PARD3B: variants seen among roughly 807,000 people sequenced by gnomAD.
PARD3B encodes par-3 family cell polarity regulator beta.
PARD3B carries 103 observed loss-of-function variants against 130.2 expected under a neutral mutation model. The observed-to-expected ratio is 0.79, with a 90% CI of 0.67 to 0.93. The LOEUF is 0.93. PARD3B is among the 40% of genes least tolerant of loss of function. The pLI, the probability that PARD3B is intolerant of heterozygous loss-of-function variation, is 0.00. For synonymous variants in PARD3B, 583 were observed against 553.2 expected (o/e 1.05, Z -0.76); for missense variants, 1,609 against 1,499.2 (o/e 1.07, Z -1.21).
At chr2:205,225,567 A>G (rs1206198575) in intron 15 of PARD3B, among the ~76,000 whole-genome samples, 1 of 152,144 alleles carries the variant, frequency 6.6e-6, no homozygotes, top group Non-Finnish European at 1.5e-5. Context: ...ACTACCTGAG[A>G]CTGGGTAATT....
intron 20 of PARD3B, among the ~76,000 whole-genome samples, chr2:205,464,259 T>G (rs1187095178): frequency 6.6e-6 from 1 of 152,198 alleles, no homozygotes; most frequent in African/African-American, 2.4e-5. Context: ...TAAAATTTGT[T>G]GTCAGAGCTT....
intron 21 of PARD3B, among the ~76,000 whole-genome samples, chr2:205,537,593 C>G (rs1282658847): frequency 6.6e-6 from 1 of 152,100 alleles, no homozygotes; most frequent in Non-Finnish European, 1.5e-5. Context: ...GGGAGTTGCA[C>G]TCATTTAGGA....
intron 4 of PARD3B, among the ~76,000 whole-genome samples, chr2:205,077,400 G>T (rs749447274): frequency 5.3e-5 from 8 of 152,066 alleles, no homozygotes; most frequent in African/African-American, 1.2e-4. Flanking sequence ...TTTCTTTTCT[G>T]TTTTTAAGAA....
chr2:205,174,844 A>T (rs1457057326), intron 12 of PARD3B, among the ~76,000 whole-genome samples: 1 of 152,238 alleles, frequency 6.6e-6, no homozygotes, highest in East Asian at 1.9e-4. Context: ...GACCTTGTGA[A>T]GAATACATAA....
intron 1 of PARD3B, among the ~76,000 whole-genome samples, chr2:204,670,091 A>G (rs1270129873): frequency 6.6e-6 from 1 of 152,174 alleles, no homozygotes. Flanking sequence ...AAAAGATCTA[A>G]AAGAGTTGCC....
intron 20 of PARD3B, among the ~76,000 whole-genome samples, chr2:205,469,507 GCACAGCAGGTGACTTTTT>G (rs2048749809): frequency 6.6e-6 from 1 of 152,124 alleles, no homozygotes; most frequent in Admixed American, 6.5e-5. Flanking sequence ...CTTCTCCAGG[GCACAGCAGGTGACTTTTT>G]CACCCCATCC....
chr2:205,333,184 G>A (rs1228897873), intron 18 of PARD3B, among the ~76,000 whole-genome samples: 4 of 152,198 alleles, frequency 2.6e-5, no homozygotes, highest in South Asian at 4.2e-4. Context: ...AATGAGAAAA[G>A]CTCTGGGGGA....
chr2:204,838,853 C>T (rs2044156594), intron 2 of PARD3B, among the ~76,000 whole-genome samples: 2 of 151,844 alleles, frequency 1.3e-5, no homozygotes, highest in South Asian at 4.2e-4. Flanking sequence ...TATCAATACA[C>T]AATGAAATAA....
chr2:204,746,708 G>C (rs937817197), intron 2 of PARD3B, among the ~76,000 whole-genome samples: 5 of 152,138 alleles, frequency 3.3e-5, no homozygotes, highest in African/African-American at 9.7e-5. Context: ...TTGTGGTTTT[G>C]ATTTGCATTT....
intron 2 of PARD3B, among the ~76,000 whole-genome samples, chr2:204,749,457 GA>G (rs1478026119): frequency 6.6e-6 from 1 of 152,120 alleles, no homozygotes; most frequent in East Asian, 1.9e-4. Flanking sequence ...AGTTCATAGA[GA>G]ATATGAGTAG....
At chr2:205,374,922 A>G (rs928053764) in intron 18 of PARD3B, among the ~76,000 whole-genome samples, 3 of 152,354 alleles carry the variant, frequency 2.0e-5, no homozygotes, top group South Asian at 2.1e-4. Context: ...GACTGAGCAT[A>G]TATGATTAAG....
At chr2:204,976,984 G>A (rs560304604) in intron 3 of PARD3B, among the ~76,000 whole-genome samples, 1 of 152,176 alleles carries the variant, frequency 6.6e-6, no homozygotes, top group African/African-American at 2.4e-5. Flanking sequence ...ATAAGATCAT[G>A]TTCTCTCTTT....
intron 1 of PARD3B, among the ~76,000 whole-genome samples, chr2:204,666,369 A>C (rs978516673): frequency 6.6e-6 from 1 of 152,148 alleles, no homozygotes; most frequent in African/African-American, 2.4e-5. Flanking sequence ...TAAACTAGAG[A>C]GGGAAAAATA....
chr2:204,560,604 G>A (rs1272812531), intron 1 of PARD3B, among the ~76,000 whole-genome samples: 2 of 152,044 alleles, frequency 1.3e-5, no homozygotes, highest in Non-Finnish European at 2.9e-5. Context: ...GCCTACCGCT[G>A]TTTGAAGGTA....
intron 2 of PARD3B, among the ~76,000 whole-genome samples, chr2:204,712,976 G>A (rs2038529450): frequency 6.6e-6 from 1 of 152,032 alleles, no homozygotes; most frequent in Non-Finnish European, 1.5e-5. Flanking sequence ...GCTTTTTTCA[G>A]TCAATTTATT....
chr2:205,363,956 C>T (rs1197179659), intron 18 of PARD3B, among the ~76,000 whole-genome samples: 1 of 151,144 alleles, frequency 6.6e-6, no homozygotes, highest in African/African-American at 2.4e-5. Context: ...CATGAACCAC[C>T]GCACCCAGTC....
At chr2:205,103,084 T>A (rs1035105962) in intron 4 of PARD3B, among the ~76,000 whole-genome samples, 22 of 128,940 alleles carry the variant, frequency 1.7e-4, no homozygotes, top group East Asian at 4.0e-4. Flanking sequence ...AAATATATAT[T>A]TTTTTATTTT....
chr2:204,572,549 A>G (rs942450403), intron 1 of PARD3B, among the ~76,000 whole-genome samples: 15 of 152,190 alleles, frequency 9.9e-5, no homozygotes, highest in Admixed American at 9.2e-4. Flanking sequence ...TTTTTAACCT[A>G]TATTTTAGGA....
chr2:204,783,544 CA>C (rs774907936), intron 2 of PARD3B, among the ~76,000 whole-genome samples: 47 of 152,238 alleles, frequency 3.1e-4, no homozygotes, highest in Admixed American at 1.1e-3. Context: ...AAACACAGTA[CA>C]AATACCTACA....
Sources: allele counts gnomAD v4.1 joint callset (sites outside exome capture counted in the v4.1 genomes callset), GRCh38; gene constraint gnomAD v4.1.1; transcripts MANE v1.5; gene names NCBI Gene and HGNC (gene_info 2026-07-23, HGNC 2026-07-21).